The following C17orf99 variants were observed in gnomAD, a reference collection of about 807,000 sequenced individuals.
The protein encoded by C17orf99 is chromosome 17 open reading frame 99.
Under a neutral mutation model 22.6 loss-of-function variants are expected in C17orf99, and 18 were observed. The ratio of observed to expected loss-of-function variants is 0.80; its 90% CI spans 0.55 to 1.18. C17orf99 has a LOEUF of 1.18. C17orf99 is among the 50% of genes most tolerant of loss of function. The probability of loss-of-function intolerance (pLI) is 0.00; values close to 1 mark genes in which losing one functional copy is unlikely to be tolerated. For missense variants in C17orf99, 328 were observed against 342.7 expected (o/e 0.96, Z 0.34); for synonymous variants, 147 against 136.6 (o/e 1.08, Z -0.53).
intron 4 of C17orf99, 120 bp downstream of exon 4, chr17:78,164,484 A>G: frequency 6.5e-7 from 1 of 1,543,254 alleles, no homozygotes; most frequent in Non-Finnish European, 8.7e-7. Context: ...TGCTGAGAGC[A>G]GAGAGGGCAC....
rs940557090 is a variant in C17orf99, at chr17:78,150,285, G to A, written c.70+3374G>A. ...GCCTCCCAAAGTGCTGGGATTACAG[G>A]CATGAGCCACCCTGCCTGGCCTAAT... On this transcript the variant is annotated intron_variant, in intron 2 of 4. Coordinates refer to ENST00000340363, the MANE Select transcript of C17orf99 (RefSeq NM_001163075.2). Among the ~76,000 whole-genome samples the A allele has an allele frequency of 3.9e-5, 6 of 152,308 alleles. No homozygotes were observed. The East Asian group carries it at 9.6e-4, about 24-fold the overall frequency.
chr17:78,154,225 T>C (rs530344602), intron 2 of C17orf99, among the ~76,000 whole-genome samples: 102 of 151,020 alleles, frequency 6.8e-4, no homozygotes, highest in African/African-American at 2.3e-3. Flanking sequence ...GTGCCAGGCC[T>C]GAAAAAAAAA....
rs202047804 is a variant in C17orf99, at chr17:78,157,796, C to CG, written c.71-3157dup. 901 of 555,698 alleles carry CG rather than the reference C, an allele frequency of 1.6e-3. 6 individuals carry two copies. The highest frequency in any genetic ancestry group is 2.0e-3 in the Non-Finnish European group (707 of 359,698). The allele number at this position is 555,698 out of a possible 1,614,324, so 34.4% of individuals were successfully genotyped here. ...TGGGCGACAGAGCGTGACTCTGTCT[C>CG]GGAAAAAAAAAAAAAAAAAAAAAAA... On this transcript the variant is annotated intron_variant, in intron 2 of 4. Coordinates refer to ENST00000340363, the MANE Select transcript of C17orf99 (RefSeq NM_001163075.2).
intron 3 of C17orf99, 25 bp from the exon 4 acceptor site, chr17:78,164,070 G>A (rs1403916577): frequency 3.9e-6 from 6 of 1,545,662 alleles, no homozygotes; most frequent in Non-Finnish European, 5.3e-6. Context: ...AGCCATGCCT[G>A]TGCTACCTTC....
rs759038653 is a variant in C17orf99 at position 78,165,938 on chromosome 17, C to T, written c.690C>T (p.Ile230=). The T allele has an allele frequency of 5.4e-6, 8 of 1,478,106 alleles. No individual in the cohort carries two copies. The highest frequency in any genetic ancestry group is 2.6e-5 in the East Asian group (1 of 39,132). 91.6% of individuals were successfully genotyped at this position (1,478,106 alleles called of 1,614,324 possible). A position where few individuals can be genotyped will look rare whatever the true frequency, so the allele number is the denominator to read the frequency against. ...GGCAGGGTCCCCTGGAGAGCCCCAT[C>T]CTTGCCTTGCCGCTCTACAGGAGCA... ...EDWQGPLESP[I]LALPLYRSTR... The change falls in exon 5 of 5, where the codon ATC becomes ATT. Residue 230 remains isoleucine, a synonymous_variant. Coordinates refer to ENST00000340363, the MANE Select transcript of C17orf99 (RefSeq NM_001163075.2).
intron 2 of C17orf99, among the ~76,000 whole-genome samples, chr17:78,157,003 G>A (rs2075530528): frequency 6.6e-6 from 1 of 151,496 alleles, no homozygotes; most frequent in African/African-American, 2.4e-5. Context: ...TTTTTTAGAG[G>A]TGAAATTCAC....
At chr17:78,151,184 GGA>G (rs2075479500) in intron 2 of C17orf99, among the ~76,000 whole-genome samples, 1 of 151,458 alleles carries the variant, frequency 6.6e-6, no homozygotes, top group Non-Finnish European at 1.5e-5. Context: ...CAGCACTTTG[GGA>G]GGCCGAGGTG....
intron 2 of C17orf99, among the ~76,000 whole-genome samples, chr17:78,148,690 C>A (rs991564289): frequency 6.6e-6 from 1 of 152,094 alleles, no homozygotes; most frequent in African/African-American, 2.4e-5. Flanking sequence ...GCAGGAAGTA[C>A]CTGGGCAGGG....
At chr17:78,164,882 C>T (rs893681055) in intron 4 of C17orf99, 13 of 1,178,476 alleles carry the variant, frequency 1.1e-5, no homozygotes, top group Admixed American at 7.9e-5. Flanking sequence ...AAGGCGTTAT[C>T]GGACCCTGAC....
Position 78,146,744 on chromosome 17 carries a change from C to T in C17orf99, c.38-135C>T, listed in dbSNP as rs62079077. ...AAAGAGCTTTTGTGAGTGATGGTGCCAGCTGAGTCCTGGGGCCTCACTACC... is the reference window on the plus strand; with the variant it reads ...AAAGAGCTTTTGTGAGTGATGGTGCTAGCTGAGTCCTGGGGCCTCACTACC... On this transcript the variant is annotated intron_variant, in intron 1 of 4. Transcript: ENST00000340363. This position sits in a 1 kb window ranked among gnomAD's most constrained non-coding sequence, Gnocchi z 5.2. 5.8e-3 allele frequency: 4,813 copies of T among 832,538 alleles called. 20 individuals carry two copies. The highest frequency in any genetic ancestry group is 7.5e-3 in the Non-Finnish European group (3,847 of 511,380). 51.6% of individuals were successfully genotyped at this position (832,538 alleles called of 1,614,324 possible). A position where few individuals can be genotyped will look rare whatever the true frequency, so the allele number is the denominator to read the frequency against.
chr17:78,146,437 C>G lies in C17orf99; in HGVS notation c.30C>G (p.Ala10=). MGLPGLFCL[A]VLAASSFSKA... ...GGCTCCCTGGGCTGTTCTGCTTGGC[C>G]GTGCTGGGTGAGTCCACCAGGGACG... is the stretch of plus-strand genomic sequence containing the variant. The change falls in exon 1 of 5, where the codon GCC becomes GCG. Residue 10 remains alanine, a synonymous_variant. Coordinates refer to ENST00000340363, the MANE Select transcript of C17orf99 (RefSeq NM_001163075.2). The surrounding 1 kb of genome is among the most constrained non-coding windows in gnomAD (Gnocchi z 5.2). The G allele has an allele frequency of 6.5e-7, 1 of 1,550,216 alleles. No individual in the cohort carries two copies. The highest frequency in any genetic ancestry group is 8.7e-7 in the Non-Finnish European group (1 of 1,146,854).
chr17:78,161,710 G>C (rs556186139), intron 3 of C17orf99, among the ~76,000 whole-genome samples: 2 of 152,034 alleles, frequency 1.3e-5, no homozygotes, highest in African/African-American at 4.8e-5. Context: ...TGGGCGTGGC[G>C]GGGTGCACCT....
At chr17:78,165,167 A>T (rs1294326158) in intron 4 of C17orf99, 1 of 1,000,138 alleles carries the variant, frequency 1.0e-6, no homozygotes. Context: ...GAGTGCAGGC[A>T]CCACAGGCCT....
At chr17:78,165,513 C>T (rs775904141) in intron 4 of C17orf99, 77 of 987,092 alleles carry the variant, frequency 7.8e-5, no homozygotes, top group Non-Finnish European at 9.1e-5. Flanking sequence ...ATAAAACTCC[C>T]AGAGGCAGGC....
intron 2 of C17orf99, among the ~76,000 whole-genome samples, chr17:78,153,871 G>C (rs1488051951): frequency 7.3e-6 from 1 of 137,578 alleles, no homozygotes; most frequent in South Asian, 2.4e-4. Context: ...TCAAATCGAA[G>C]ATTTTTCCAT....
chr17:78,155,100 C>G (rs555107282), intron 2 of C17orf99, among the ~76,000 whole-genome samples: 1 of 150,336 alleles, frequency 6.7e-6, no homozygotes, highest in African/African-American at 2.5e-5. Context: ...GGCCTCTACC[C>G]ACTAAATGTC....
chr17:78,164,419 G>T (rs2075602127), intron 4 of C17orf99, 55 bp downstream of exon 4: 2 of 1,550,826 alleles, frequency 1.3e-6, no homozygotes, highest in Non-Finnish European at 1.7e-6. Flanking sequence ...TGCCGGGAGG[G>T]TGCTAGTGTC....
intron 2 of C17orf99, among the ~76,000 whole-genome samples, chr17:78,152,392 T>A (rs1399185486): frequency 1.3e-5 from 2 of 151,018 alleles, no homozygotes; most frequent in Non-Finnish European, 2.9e-5. Flanking sequence ...TGGAGTGCAG[T>A]GGTGCAATCT....
intron 4 of C17orf99, 67 bp from the exon 5 acceptor site, chr17:78,165,822 A>G: frequency 2.3e-6 from 3 of 1,279,822 alleles, no homozygotes; most frequent in Non-Finnish European, 3.0e-6. Flanking sequence ...GAACACTCTC[A>G]GACGCCTCGG....
Sources: allele counts gnomAD v4.1 joint callset (sites outside exome capture counted in the v4.1 genomes callset), GRCh38; gene constraint gnomAD v4.1.1; non-coding constraint Gnocchi (gnomAD v3.1); transcripts MANE v1.5; gene names NCBI Gene and HGNC (gene_info 2026-07-23, HGNC 2026-07-21).